The following NAALADL2 variants were observed in gnomAD, a reference collection of about 807,000 sequenced individuals.
NAALADL2 encodes the protein inactive N-acetylated-alpha-linked acidic dipeptidase-like protein 2.
In NAALADL2, 76 loss-of-function variants were observed where a neutral mutation model predicts 87.2. The observed-to-expected ratio is 0.87, with a 90% CI of 0.72 to 1.05. The LOEUF (loss-of-function observed/expected upper bound fraction) is 1.05. NAALADL2 is among the 50% of genes least tolerant of loss of function. The pLI, the probability that NAALADL2 is intolerant of heterozygous loss-of-function variation, is 0.00. For synonymous variants in NAALADL2, 354 were observed against 331.0 expected (o/e 1.07, Z -0.75); for missense variants, 1,089 against 945.8 (o/e 1.15, Z -1.99).
Position 175,120,677 on chromosome 3 carries a change from A to G in NAALADL2, c.545+23386A>G, listed in dbSNP as rs183658646. 1.2e-3 allele frequency among the ~76,000 whole-genome samples: 177 copies of G among 151,928 alleles called. 3 individuals are homozygous for G. Among genetic ancestry groups the G allele is most frequent in the Non-Finnish European group, 9.1e-4 (62 of 67,822 alleles). ...TTCAGCTCACTTTTGCTATGTCTAGATGATTGTAACACAACTGGTTGAAAA... is the reference window on the plus strand; with the variant it reads ...TTCAGCTCACTTTTGCTATGTCTAGGTGATTGTAACACAACTGGTTGAAAA... On this transcript the variant is annotated intron_variant, in intron 2 of 13. Transcript: ENST00000454872.
chr3:174,889,194 A>T (rs1416636256), intron 1 of NAALADL2, among the ~76,000 whole-genome samples: 1 of 152,140 alleles, frequency 6.6e-6, no homozygotes, highest in Non-Finnish European at 1.5e-5. Context: ...AGAAAATTCA[A>T]GGTATTTATA....
intron 1 of NAALADL2, among the ~76,000 whole-genome samples, chr3:174,990,634 G>A (rs113757746): frequency 9.9e-5 from 15 of 152,172 alleles, no homozygotes; most frequent in African/African-American, 3.1e-4. Context: ...AAGCTGGGTC[G>A]TACATAGGAA....
intron 9 of NAALADL2, among the ~76,000 whole-genome samples, chr3:175,571,280 T>C (rs920143415): frequency 6.6e-6 from 1 of 152,072 alleles, no homozygotes; most frequent in African/African-American, 2.4e-5. Context: ...GGGTGGAAAA[T>C]TAAGCTAGTG....
intron 4 of NAALADL2, among the ~76,000 whole-genome samples, chr3:175,320,792 G>A (rs924890835): frequency 2.0e-5 from 3 of 151,936 alleles, no homozygotes; most frequent in African/African-American, 7.3e-5. Context: ...CCAGGAAGAA[G>A]TTGAATCTCT....
intron 1 of NAALADL2, among the ~76,000 whole-genome samples, chr3:175,013,116 A>T (rs1750184386): frequency 1.3e-4 from 1 of 7,998 alleles, no homozygotes; most frequent in Non-Finnish European, 2.1e-4. Context: ...ATTTATATAT[A>T]AATATACATA....
intron 13 of NAALADL2, among the ~76,000 whole-genome samples, chr3:175,786,050 G>A (rs986012926): frequency 6.6e-6 from 1 of 151,976 alleles, no homozygotes; most frequent in African/African-American, 2.4e-5. Context: ...CTGGCTTGTA[G>A]GGTTTCTGCC....
chr3:175,318,107 A>G (rs1759382627), intron 4 of NAALADL2, among the ~76,000 whole-genome samples: 1 of 152,138 alleles, frequency 6.6e-6, no homozygotes, highest in African/African-American at 2.4e-5. Context: ...GTTAAATAAC[A>G]TGTATGCCTC....
At chr3:175,293,284 G>T (rs1002090962) in intron 4 of NAALADL2, among the ~76,000 whole-genome samples, 1 of 152,082 alleles carries the variant, frequency 6.6e-6, no homozygotes, top group Non-Finnish European at 1.5e-5. Flanking sequence ...TAACTACAAG[G>T]CTTTAGAGTA....
chr3:175,396,313 T>A (rs115883874), intron 5 of NAALADL2, among the ~76,000 whole-genome samples: 55 of 152,290 alleles, frequency 3.6e-4, no homozygotes, highest in African/African-American at 1.3e-3. Flanking sequence ...TCAGTACTGA[T>A]TTTAATTTAA....
At chr3:174,856,014 AGTAAG>A, upstream of NAALADL2, among the ~76,000 whole-genome samples, 1 of 150,032 alleles carries the variant, frequency 6.7e-6, no homozygotes, top group Non-Finnish European at 1.5e-5. Context: ...GAGAGAGAGA[AGTAAG>A]AGAGAGAGAC....
chr3:175,111,075 A>G (rs1015559645), intron 2 of NAALADL2, among the ~76,000 whole-genome samples: 5 of 151,716 alleles, frequency 3.3e-5, no homozygotes, highest in Admixed American at 6.6e-5. Context: ...GAAAGAGTCA[A>G]CAACAGTGCA....
intron 5 of NAALADL2, among the ~76,000 whole-genome samples, chr3:175,336,822 A>G (rs1043557745): frequency 1.3e-5 from 2 of 152,166 alleles, no homozygotes; most frequent in African/African-American, 2.4e-5. Flanking sequence ...ACAAATTTGA[A>G]CAAACCTCTT....
At chr3:175,031,493 C>G (rs965882058) in intron 1 of NAALADL2, among the ~76,000 whole-genome samples, 1 of 151,986 alleles carries the variant, frequency 6.6e-6, no homozygotes, top group Non-Finnish European at 1.5e-5. Context: ...TGTATGTGTA[C>G]CACATTTTCT....
At chr3:174,839,414 C>T (rs999250481) in intron 3 of NAALADL2, among the ~76,000 whole-genome samples, 66 of 152,140 alleles carry the variant, frequency 4.3e-4, no homozygotes, top group African/African-American at 1.5e-3. Context: ...TTGGAAAAAC[C>T]CTTCTAGAGA....
chr3:175,772,274 T>G (rs1052604008), intron 13 of NAALADL2, among the ~76,000 whole-genome samples: 4 of 151,676 alleles, frequency 2.6e-5, no homozygotes, highest in Non-Finnish European at 5.9e-5. Context: ...TTTATTTTTT[T>G]TTTTGTTGCA....
chr3:174,625,043 A>ATCTC (rs1181249470), intron 2 of NAALADL2, among the ~76,000 whole-genome samples: 3,479 of 112,570 alleles, frequency 0.031, 402 homozygotes, highest in South Asian at 0.044. Flanking sequence ...ATTTATTGCT[A>ATCTC]TCTCTCTCTC....
At chr3:175,739,359 C>T (rs1157969586) in intron 12 of NAALADL2, among the ~76,000 whole-genome samples, 1 of 152,106 alleles carries the variant, frequency 6.6e-6, no homozygotes, top group African/African-American at 2.4e-5. Flanking sequence ...CACATTGGCA[C>T]ATTTCAATTG....
chr3:174,624,833 C>T (rs1218430538), intron 2 of NAALADL2, among the ~76,000 whole-genome samples: 1 of 151,962 alleles, frequency 6.6e-6, no homozygotes. Flanking sequence ...AGGCTATTAG[C>T]CAATAATAAG....
chr3:175,250,352 T>C (rs1748838190), intron 3 of NAALADL2, among the ~76,000 whole-genome samples: 3 of 151,724 alleles, frequency 2.0e-5, no homozygotes, highest in Admixed American at 1.3e-4. Context: ...AGGAGAGCCA[T>C]TGCCAGAAAC....
Sources: gnomAD v4.1 joint callset for allele counts (sites outside exome capture counted in the v4.1 genomes callset) on GRCh38, gnomAD v4.1.1 for gene constraint, MANE v1.5 for transcripts, NCBI Gene and HGNC (gene_info 2026-07-23, HGNC 2026-07-21) for gene names.